Variants in RANBP2 observed in about 807,000 individuals in gnomAD.
RANBP2 encodes RAN binding protein 2.
A neutral mutation model predicts 303.6 loss-of-function variants in RANBP2; 57 were observed. The ratio of observed to expected loss-of-function variants is 0.19; its 90% CI spans 0.15 to 0.23. The LOEUF (loss-of-function observed/expected upper bound fraction) is 0.23. Among genes scored for constraint, RANBP2 ranks in the 10% least tolerant of loss-of-function variants. The pLI is 1.00. For missense variants in RANBP2, 3,138 were observed against 3,780.8 expected, an observed-to-expected ratio of 0.83 and a Z score of 4.46; for synonymous variants, 1,167 against 1,301.5, an observed-to-expected ratio of 0.90 and a Z score of 2.23.
the RANBP2 span, among the ~76,000 whole-genome samples, chr2:109,572,360 C>T: frequency 6.6e-6 from 1 of 152,172 alleles, no homozygotes. Flanking sequence ...GTCTCGATCT[C>T]CTGACCTTGT....
the RANBP2 span, among the ~76,000 whole-genome samples, chr2:109,298,189 G>C: frequency 2.0e-5 from 3 of 152,180 alleles, no homozygotes; most frequent in African/African-American, 7.2e-5. Flanking sequence ...TGGGGATAGA[G>C]AAGTCACCAA....
chr2:109,338,921 A>G, the RANBP2 span, among the ~76,000 whole-genome samples: 2 of 108,444 alleles, frequency 1.8e-5, no homozygotes, highest in East Asian at 3.2e-4. Context: ...TGATAACACA[A>G]ACAGTTGATC....
the RANBP2 span, among the ~76,000 whole-genome samples, chr2:108,964,893 C>T: frequency 6.6e-6 from 1 of 152,194 alleles, no homozygotes; most frequent in African/African-American, 2.4e-5. Flanking sequence ...TACTTAATAA[C>T]AGCACGTCTG....
the RANBP2 span, among the ~76,000 whole-genome samples, chr2:109,241,718 T>C: frequency 6.6e-6 from 1 of 152,032 alleles, no homozygotes; most frequent in Non-Finnish European, 1.5e-5. Flanking sequence ...GGCTTCTGTA[T>C]CTGCCAGTTT....
chr2:109,421,334 C>G, the RANBP2 span, among the ~76,000 whole-genome samples: 13 of 152,222 alleles, frequency 8.5e-5, no homozygotes, highest in African/African-American at 3.1e-4. Context: ...TACACAGGCT[C>G]TCAGTAGCTG....
chr2:108,726,914 G>A (rs1694761971), intron 1 of RANBP2, among the ~76,000 whole-genome samples: 1 of 152,084 alleles, frequency 6.6e-6, no homozygotes, highest in Admixed American at 6.6e-5. Flanking sequence ...ACCCTGGGTG[G>A]ACACAGCACA....
chr2:108,985,038 G>A, the RANBP2 span, among the ~76,000 whole-genome samples: 1 of 152,188 alleles, frequency 6.6e-6, no homozygotes, highest in African/African-American at 2.4e-5. Flanking sequence ...TTTGCTTGCA[G>A]TCTGGTTTTG....
At chr2:109,099,481 G>C in the RANBP2 span, among the ~76,000 whole-genome samples, 1 of 152,168 alleles carries the variant, frequency 6.6e-6, no homozygotes, top group Non-Finnish European at 1.5e-5. Flanking sequence ...CTTAGGAAGG[G>C]AAGTCTAATG....
chr2:109,587,151 G>T, the RANBP2 span, among the ~76,000 whole-genome samples: 1 of 152,072 alleles, frequency 6.6e-6, no homozygotes, highest in Non-Finnish European at 1.5e-5. Context: ...TATAATGGGT[G>T]GCATGACGGG....
the RANBP2 span, among the ~76,000 whole-genome samples, chr2:109,094,511 A>G: frequency 2.6e-5 from 4 of 152,124 alleles, no homozygotes; most frequent in African/African-American, 9.7e-5. Flanking sequence ...GAGTATTTAT[A>G]TGTGTTGTGT....
chr2:109,432,528 C>T, the RANBP2 span: 1 of 1,613,628 alleles, frequency 6.2e-7, no homozygotes, highest in Non-Finnish European at 8.5e-7. Flanking sequence ...CCTACAAGCC[C>T]CAGAAGAGTG....
the RANBP2 span, among the ~76,000 whole-genome samples, chr2:108,964,112 G>T: frequency 1.3e-5 from 2 of 152,162 alleles, no homozygotes; most frequent in African/African-American, 2.4e-5. Flanking sequence ...AAACAGACAC[G>T]TATGGCTGTG....
At chr2:109,329,289 C>T in the RANBP2 span, among the ~76,000 whole-genome samples, 1 of 152,158 alleles carries the variant, frequency 6.6e-6, no homozygotes, top group African/African-American at 2.4e-5. Context: ...ATCTGAGAAA[C>T]ATCCTGGAGA....
At chr2:109,280,110 T>G in the RANBP2 span, among the ~76,000 whole-genome samples, 2 of 152,120 alleles carry the variant, frequency 1.3e-5, no homozygotes, top group African/African-American at 2.4e-5. Flanking sequence ...TTTCTGCATG[T>G]TTTTTGGGGG....
chr2:109,383,012 C>G, the RANBP2 span, among the ~76,000 whole-genome samples: 1 of 152,240 alleles, frequency 6.6e-6, no homozygotes, highest in Non-Finnish European at 1.5e-5. Flanking sequence ...ACCTGGAGAT[C>G]GGCCTTAGGA....
At chr2:109,142,982 C>T in the RANBP2 span, among the ~76,000 whole-genome samples, 1 of 151,996 alleles carries the variant, frequency 6.6e-6, no homozygotes, top group Non-Finnish European at 1.5e-5. Context: ...GGGCTGGTGT[C>T]CTGGCTGCTG....
chr2:109,732,361 G>C, the RANBP2 span, among the ~76,000 whole-genome samples: 4 of 152,148 alleles, frequency 2.6e-5, no homozygotes, highest in Admixed American at 1.3e-4. Context: ...CTGTGGGACT[G>C]TTCCTGCCCT....
the RANBP2 span, among the ~76,000 whole-genome samples, chr2:109,646,186 C>A: frequency 1.3e-5 from 2 of 152,094 alleles, no homozygotes; most frequent in Admixed American, 6.6e-5. Flanking sequence ...GTCCCTTATC[C>A]GTAAGGCAAG....
the RANBP2 span, among the ~76,000 whole-genome samples, chr2:109,610,512 C>G: frequency 1.3e-5 from 2 of 152,082 alleles, no homozygotes; most frequent in African/African-American, 4.8e-5. Context: ...GTTGGGAGTT[C>G]AAGACCAGCT....
Sources: allele counts gnomAD v4.1 joint callset (sites outside exome capture counted in the v4.1 genomes callset), GRCh38; gene constraint gnomAD v4.1.1; transcripts MANE v1.5; gene names NCBI Gene and HGNC (gene_info 2026-07-23, HGNC 2026-07-21).